Variants in DPYD observed in about 807,000 individuals in gnomAD.
The protein encoded by DPYD is dihydropyrimidine dehydrogenase [NADP(+)].
DPYD carries 109 observed loss-of-function variants against 116.2 expected under a neutral mutation model. The observed-to-expected ratio is 0.94, with a 90% CI of 0.80 to 1.10. The LOEUF (loss-of-function observed/expected upper bound fraction) is 1.10. Ranked by LOEUF, DPYD falls within the 50% of genes least tolerant of loss-of-function variation. The probability of loss-of-function intolerance (pLI) is 0.00; values close to 1 mark genes in which losing one functional copy is unlikely to be tolerated. For missense variants in DPYD, 1,302 were observed against 1,254.5 expected, an observed-to-expected ratio of 1.04 and a Z score of -0.57; for synonymous variants, 440 against 432.0, an observed-to-expected ratio of 1.02 and a Z score of -0.23.
At chr1:97,255,350 T>A (rs893509368) in intron 18 of DPYD, among the ~76,000 whole-genome samples, 1 of 152,164 alleles carries the variant, frequency 6.6e-6, no homozygotes, top group Non-Finnish European at 1.5e-5. Flanking sequence ...TTAGCTGTGT[T>A]CCCACCCAAA....
At chr1:97,598,444 T>C (rs956617023) in intron 8 of DPYD, among the ~76,000 whole-genome samples, 1 of 152,232 alleles carries the variant, frequency 6.6e-6, no homozygotes. Context: ...CAGTTCAGCG[T>C]AGTAGATATG....
intron 20 of DPYD, among the ~76,000 whole-genome samples, chr1:97,161,902 C>T (rs1035462700): frequency 7.2e-5 from 11 of 152,036 alleles, no homozygotes; most frequent in Admixed American, 3.3e-4. Context: ...GACATGAACT[C>T]ACCATTTTTT....
intron 18 of DPYD, among the ~76,000 whole-genome samples, chr1:97,237,797 T>C (rs1317559548): frequency 1.4e-4 from 21 of 152,220 alleles, no homozygotes. Context: ...ATGGCTTCTT[T>C]ACATACACAC....
chr1:97,796,838 A>G (rs1667595279), intron 3 of DPYD: 1 of 152,154 alleles, frequency 6.6e-6, no homozygotes, highest in Admixed American at 6.6e-5. Flanking sequence ...AATTTGTGGC[A>G]CTACTGTATG....
intron 12 of DPYD, among the ~76,000 whole-genome samples, chr1:97,548,709 C>T (rs1264565713): frequency 1.3e-5 from 2 of 151,996 alleles, no homozygotes; most frequent in South Asian, 2.1e-4. Flanking sequence ...GCACTCCAGC[C>T]TGGGCATTAG....
At chr1:97,841,335 G>T (rs1670026874) in intron 2 of DPYD, among the ~76,000 whole-genome samples, 1 of 151,936 alleles carries the variant, frequency 6.6e-6, no homozygotes, top group Non-Finnish European at 1.5e-5. Flanking sequence ...AGAGAAGATT[G>T]ACCAAAAGAT....
chr1:97,629,328 G>A (rs1474026525), intron 8 of DPYD, among the ~76,000 whole-genome samples: 4 of 151,976 alleles, frequency 2.6e-5, no homozygotes, highest in African/African-American at 9.7e-5. Context: ...AGGAGGGTGG[G>A]CAAGTGAAAC....
intron 3 of DPYD, among the ~76,000 whole-genome samples, chr1:97,796,525 C>T (rs563683145): frequency 6.6e-6 from 1 of 152,026 alleles, no homozygotes; most frequent in South Asian, 2.1e-4. Flanking sequence ...ATGCCTTCAC[C>T]CCACTTCAAT....
chr1:97,159,779 C>A (rs1655752763), intron 20 of DPYD, among the ~76,000 whole-genome samples: 1 of 151,964 alleles, frequency 6.6e-6, no homozygotes, highest in African/African-American at 2.4e-5. Flanking sequence ...CATTCTGTTC[C>A]TTTTAATCTT....
At chr1:97,645,221 C>T (rs1271932012) in intron 8 of DPYD, among the ~76,000 whole-genome samples, 2 of 151,770 alleles carry the variant, frequency 1.3e-5, no homozygotes, top group African/African-American at 4.8e-5. Context: ...ATGTAATTTC[C>T]AAGAGGTGGA....
rs190279438 is a variant in DPYD at position 97,810,068 on chromosome 1, C to A, written c.233+18046G>T. 4.4e-3 allele frequency among the ~76,000 whole-genome samples: 663 copies of A among 151,770 alleles called. 2 individuals are homozygous for A. Among genetic ancestry groups the A allele is most frequent in the Non-Finnish European group, 5.9e-3 (399 of 67,898 alleles). Reference sequence around the variant, plus strand: ...TTGGGAGGCCGACGCGGGTGGATCACGAGGTCAGGAGATCAAGACCATCCT... The same window carrying A: ...TTGGGAGGCCGACGCGGGTGGATCAAGAGGTCAGGAGATCAAGACCATCCT... On this transcript the variant is annotated intron_variant, in intron 3 of 22. Coordinates refer to ENST00000370192, the MANE Select transcript of DPYD (RefSeq NM_000110.4).
At chr1:97,497,133 G>A (rs1485248984) in intron 13 of DPYD, among the ~76,000 whole-genome samples, 1 of 151,758 alleles carries the variant, frequency 6.6e-6, no homozygotes, top group Admixed American at 6.6e-5. Flanking sequence ...AGCAGGGAAC[G>A]ACAATTGATT....
intron 13 of DPYD, among the ~76,000 whole-genome samples, chr1:97,498,285 T>C (rs1679383369): frequency 1.3e-5 from 2 of 151,732 alleles, no homozygotes; most frequent in Admixed American, 1.3e-4. Flanking sequence ...CCATGAAAAG[T>C]TACACTTTAA....
intron 8 of DPYD, among the ~76,000 whole-genome samples, chr1:97,654,173 C>A (rs918040943): frequency 6.6e-6 from 1 of 152,180 alleles, no homozygotes; most frequent in African/African-American, 2.4e-5. Context: ...TATAAATATA[C>A]ACTGTCCTGC....
At chr1:97,573,638 C>T (rs1203055807) in intron 11 of DPYD, 122 bp downstream of exon 11, 2 of 1,233,756 alleles carry the variant, frequency 1.6e-6, no homozygotes, top group Admixed American at 1.9e-5. Context: ...ATTGCTTTTA[C>T]TTCTTAACTA....
intron 8 of DPYD, among the ~76,000 whole-genome samples, chr1:97,610,293 T>C (rs1318666952): frequency 6.6e-6 from 1 of 151,938 alleles, no homozygotes; most frequent in African/African-American, 2.4e-5. Context: ...AACTTGTAAG[T>C]GCACGGTTAA....
At chr1:97,732,778 A>T (rs1005660552) in intron 4 of DPYD, among the ~76,000 whole-genome samples, 4 of 152,128 alleles carry the variant, frequency 2.6e-5, no homozygotes, top group African/African-American at 4.8e-5. Flanking sequence ...CTACAGTAAC[A>T]TTAGTAATAA....
intron 8 of DPYD, among the ~76,000 whole-genome samples, chr1:97,658,305 T>C (rs2100860331): frequency 6.6e-6 from 1 of 152,318 alleles, no homozygotes; most frequent in Admixed American, 6.5e-5. Context: ...TAATCTTACA[T>C]AATCTGCAAA....
intron 2 of DPYD, among the ~76,000 whole-genome samples, chr1:97,878,914 C>T (rs371690217): frequency 2.0e-5 from 3 of 151,798 alleles, no homozygotes; most frequent in Admixed American, 6.6e-5. Flanking sequence ...GTGAAACAAA[C>T]GAGTGACTGA....
Sources: allele counts gnomAD v4.1 joint callset (sites outside exome capture counted in the v4.1 genomes callset), GRCh38; gene constraint gnomAD v4.1.1; transcripts MANE v1.5; gene names NCBI Gene and HGNC (gene_info 2026-07-23, HGNC 2026-07-21).